The following CTNNA2 variants were observed in gnomAD, a reference collection of about 807,000 sequenced individuals.
CTNNA2 encodes catenin alpha 2.
A neutral mutation model predicts 101.0 loss-of-function variants in CTNNA2; 42 were observed. The observed-to-expected ratio is 0.42, with a 90% CI of 0.32 to 0.54. The LOEUF is 0.54. CTNNA2 is among the 20% of genes least tolerant of loss of function. CTNNA2 has a pLI of 0.14. For missense variants in CTNNA2, 871 were observed against 1,223.1 expected (o/e 0.71, Z 4.29); for synonymous variants, 450 against 456.4 (o/e 0.99, Z 0.18).
intron 15 of CTNNA2, among the ~76,000 whole-genome samples, chr2:80,594,270 A>G (rs1256842180): frequency 2.6e-5 from 4 of 151,982 alleles, no homozygotes; most frequent in Admixed American, 6.6e-5. Flanking sequence ...TCCTATGCTT[A>G]TTGGCATTGT....
intron 7 of CTNNA2, among the ~76,000 whole-genome samples, chr2:79,922,081 A>C (rs1234267240): frequency 6.6e-6 from 1 of 152,194 alleles, no homozygotes; most frequent in Non-Finnish European, 1.5e-5. Context: ...CGTAATCAAC[A>C]CTGGATTCAG....
chr2:79,553,910 T>C (rs62141455), intron 1 of CTNNA2, among the ~76,000 whole-genome samples: 7,366 of 152,302 alleles, frequency 0.048, 251 homozygotes, highest in Non-Finnish European at 0.071. Context: ...TGTGGACTTC[T>C]ATCTTTGCAG....
Position 79,937,531 on chromosome 2 carries a change from A to G in CTNNA2, c.1056+27734A>G, listed in dbSNP as rs138582108. Among the ~76,000 whole-genome samples the G allele has an allele frequency of 5.8e-4, 89 of 152,302 alleles. No individual in the cohort carries two copies. The East Asian group carries it at 0.016, about 28-fold the overall frequency. On this transcript the variant is annotated intron_variant, in intron 7 of 18. Coordinates refer to ENST00000402739, the MANE Select transcript of CTNNA2 (RefSeq NM_001282597.3). ...TTCTCTAAATTTTCTCACTTTTCAAATCATCTGTATTTACAAGGCTAATGG... is the reference window on the plus strand; with the variant it reads ...TTCTCTAAATTTTCTCACTTTTCAAGTCATCTGTATTTACAAGGCTAATGG...
intron 15 of CTNNA2, among the ~76,000 whole-genome samples, chr2:80,593,634 C>T (rs750803331): frequency 2.0e-5 from 3 of 152,172 alleles, no homozygotes. Flanking sequence ...AACAGATACT[C>T]TGTACTTACT....
chr2:80,026,007 T>A (rs1694903293), intron 7 of CTNNA2, among the ~76,000 whole-genome samples: 1 of 152,158 alleles, frequency 6.6e-6, no homozygotes, highest in South Asian at 2.1e-4. Flanking sequence ...AAGTATTACA[T>A]AACAGGGATG....
At chr2:80,628,769 C>T (rs1671965546) in intron 18 of CTNNA2, among the ~76,000 whole-genome samples, 1 of 151,960 alleles carries the variant, frequency 6.6e-6, no homozygotes, top group Non-Finnish European at 1.5e-5. Context: ...CCTTCCCTTG[C>T]TGAGTTATAC....
chr2:79,385,842 A>G (rs1345618077), intron 4 of CTNNA2, among the ~76,000 whole-genome samples: 1 of 152,072 alleles, frequency 6.6e-6, no homozygotes, highest in Non-Finnish European at 1.5e-5. Flanking sequence ...CTTCATCCAT[A>G]TCCCTGCAAA....
intron 2 of CTNNA2, among the ~76,000 whole-genome samples, chr2:79,652,629 A>G (rs1573579497): frequency 1.3e-5 from 2 of 151,938 alleles, no homozygotes; most frequent in Non-Finnish European, 1.5e-5. Flanking sequence ...CTCCAGAAAA[A>G]TCCTCCCATC....
At chr2:79,493,644 G>A (rs946514022) in intron 4 of CTNNA2, 7 of 152,050 alleles carry the variant, frequency 4.6e-5, no homozygotes, top group Non-Finnish European at 1.0e-4. Flanking sequence ...TAAAAATCCT[G>A]GAATTGGGTT....
chr2:79,554,061 T>C (rs898618794), intron 1 of CTNNA2, among the ~76,000 whole-genome samples: 1 of 152,208 alleles, frequency 6.6e-6, no homozygotes, highest in African/African-American at 2.4e-5. Flanking sequence ...GTTGAAGGGT[T>C]ACATCTGATC....
chr2:79,406,239 C>T (rs569677630), intron 4 of CTNNA2, among the ~76,000 whole-genome samples: 4 of 152,056 alleles, frequency 2.6e-5, no homozygotes, highest in African/African-American at 7.2e-5. Flanking sequence ...ACAGCAGCAG[C>T]GGCCTGAAGT....
At chr2:80,422,810 T>A (rs1680648432) in intron 9 of CTNNA2, among the ~76,000 whole-genome samples, 1 of 152,186 alleles carries the variant, frequency 6.6e-6, no homozygotes, top group Non-Finnish European at 1.5e-5. Flanking sequence ...AGTGAATGTA[T>A]AAGATGAGCC....
At chr2:80,404,464 T>G (rs6740193) in intron 8 of CTNNA2, among the ~76,000 whole-genome samples, 27,835 of 152,158 alleles carry the variant, frequency 0.18, 3,310 homozygotes, top group African/African-American at 0.35. Flanking sequence ...TTAACTTGAA[T>G]AAGGTTATAA....
intron 7 of CTNNA2, among the ~76,000 whole-genome samples, chr2:79,978,717 G>C (rs992924965): frequency 1.2e-4 from 18 of 152,164 alleles, no homozygotes; most frequent in African/African-American, 3.9e-4. Flanking sequence ...ATGAGGAGCA[G>C]TTGGAAACAC....
chr2:80,405,961 G>A (rs1679012193), intron 8 of CTNNA2, among the ~76,000 whole-genome samples: 1 of 152,176 alleles, frequency 6.6e-6, no homozygotes, highest in Non-Finnish European at 1.5e-5. Context: ...AGGGCTTCTG[G>A]ATTTTTATTT....
In CTNNA2 at chr2:79,408,468, C is replaced by A. The variant is rs1421453478; in HGVS notation, c.-135+34455C>A. Among the ~76,000 whole-genome samples the A allele has an allele frequency of 4.3e-5, 6 of 138,194 alleles. No individual in the cohort carries two copies. In the Admixed American group the frequency reaches 4.5e-4, roughly 10 times the overall value. The allele number at this position is 138,194 out of a possible 152,430, so 90.7% of individuals were successfully genotyped here. A position where few individuals can be genotyped will look rare whatever the true frequency, so the allele number is the denominator to read the frequency against. ...ATCCCTCCCCCCTCCCCTCACCCCACAAGAGTCCCCAGAGTGTGATGTTCC... is the reference window on the plus strand; with the variant it reads ...ATCCCTCCCCCCTCCCCTCACCCCAAAAGAGTCCCCAGAGTGTGATGTTCC... On this transcript the variant is annotated intron_variant, in intron 4 of 21. Transcript: ENST00000466387.
intron 8 of CTNNA2, among the ~76,000 whole-genome samples, chr2:80,415,147 A>C (rs1344187084): frequency 1.3e-5 from 2 of 152,198 alleles, no homozygotes; most frequent in Non-Finnish European, 2.9e-5. Flanking sequence ...ATAATGCACA[A>C]TACTGGGTCA....
intron 2 of CTNNA2, among the ~76,000 whole-genome samples, chr2:79,282,487 T>A (rs193259556): frequency 4.4e-4 from 67 of 151,294 alleles, no homozygotes; most frequent in Middle Eastern, 3.4e-3. Context: ...AATTCCCACC[T>A]ATGAGTGAGA....
At chr2:79,659,131 T>G (rs945016571) in intron 2 of CTNNA2, among the ~76,000 whole-genome samples, 9 of 151,690 alleles carry the variant, frequency 5.9e-5, no homozygotes, top group Non-Finnish European at 1.3e-4. Context: ...AGATTTAAAA[T>G]TAGAAGATTT....
Sources: gnomAD v4.1 joint callset for allele counts (sites outside exome capture counted in the v4.1 genomes callset) on GRCh38, gnomAD v4.1.1 for gene constraint, MANE v1.5 for transcripts, NCBI Gene and HGNC (gene_info 2026-07-23, HGNC 2026-07-21) for gene names.